The following GPHN variants were observed in gnomAD, a reference collection of about 807,000 sequenced individuals.
GPHN encodes the protein gephyrin.
A neutral mutation model predicts 95.5 loss-of-function variants in GPHN; 17 were observed. The ratio of observed to expected loss-of-function variants is 0.18; its 90% CI spans 0.12 to 0.27. The LOEUF is 0.27. Ranked by LOEUF, GPHN falls within the 10% of genes least tolerant of loss-of-function variation. The probability of loss-of-function intolerance (pLI) is 1.00; values close to 1 mark genes in which losing one functional copy is unlikely to be tolerated. For synonymous variants in GPHN, 320 were observed against 322.5 expected (o/e 0.99, Z 0.08); for missense variants, 660 against 978.1 (o/e 0.67, Z 4.34).
At chr14:66,740,135 G>A (rs189011574) in intron 2 of GPHN, among the ~76,000 whole-genome samples, 76 of 152,196 alleles carry the variant, frequency 5.0e-4, no homozygotes, top group Admixed American at 1.8e-3. Flanking sequence ...ATGCACACTG[G>A]TGTATTTATG....
chr14:66,955,723 G>C (rs2068455111), intron 8 of GPHN, among the ~76,000 whole-genome samples: 1 of 151,532 alleles, frequency 6.6e-6, no homozygotes, highest in African/African-American at 2.4e-5. Flanking sequence ...CCCCACGACA[G>C]GCCATGGTAT....
intron 1 of GPHN, among the ~76,000 whole-genome samples, chr14:66,520,299 G>T (rs2058424076): frequency 6.6e-6 from 1 of 152,064 alleles, no homozygotes; most frequent in Non-Finnish European, 1.5e-5. Context: ...TTCCAATAAG[G>T]ATGTATTAAT....
intron 1 of GPHN, among the ~76,000 whole-genome samples, chr14:66,590,973 T>G (rs568827569): frequency 1.0e-3 from 155 of 152,298 alleles, no homozygotes; most frequent in Non-Finnish European, 1.8e-3. Flanking sequence ...CAAGTCGGCT[T>G]TATCTCTGGG....
chr14:67,464,986 T>C, the GPHN span, among the ~76,000 whole-genome samples: 4 of 152,218 alleles, frequency 2.6e-5, no homozygotes, highest in African/African-American at 4.8e-5. Flanking sequence ...GTAATTCCAC[T>C]GAAGTCATCC....
chr14:66,519,719 CCTAA>C (rs2139794239), intron 1 of GPHN, among the ~76,000 whole-genome samples: 1 of 152,188 alleles, frequency 6.6e-6, no homozygotes, highest in South Asian at 2.1e-4. Flanking sequence ...TCCTTCACTC[CCTAA>C]CTCTGTAGCA....
At chr14:66,909,162 C>G (rs2065541700) in intron 5 of GPHN, among the ~76,000 whole-genome samples, 1 of 152,094 alleles carries the variant, frequency 6.6e-6, no homozygotes, top group Non-Finnish European at 1.5e-5. Context: ...CCTATACTAT[C>G]TTCTGCATTT....
At chr14:66,746,722 G>A (rs1022344806) in intron 2 of GPHN, among the ~76,000 whole-genome samples, 3 of 151,876 alleles carry the variant, frequency 2.0e-5, no homozygotes, top group African/African-American at 4.8e-5. Context: ...GCAGTTTTAC[G>A]ACATCCTCAC....
intron 8 of GPHN, among the ~76,000 whole-genome samples, chr14:66,938,109 CA>C (rs989595311): frequency 1.3e-5 from 2 of 152,088 alleles, no homozygotes; most frequent in African/African-American, 4.8e-5. Flanking sequence ...CCATCATTCT[CA>C]AATATATCTC....
chr14:66,537,657 T>G (rs2059191534), intron 1 of GPHN, among the ~76,000 whole-genome samples: 1 of 152,228 alleles, frequency 6.6e-6, no homozygotes. Context: ...AATTCATTTT[T>G]ACAGTTCTTT....
chr14:67,421,010 TC>T, the GPHN span, among the ~76,000 whole-genome samples: 1 of 152,160 alleles, frequency 6.6e-6, no homozygotes, highest in Non-Finnish European at 1.5e-5. Flanking sequence ...AGGGACCACA[TC>T]TTGAGTGGCA....
chr14:66,824,648 T>C, intron 4 of GPHN, 82 bp downstream of exon 4: 2 of 687,250 alleles, frequency 2.9e-6, no homozygotes, highest in Non-Finnish European at 5.1e-6. Context: ...TTTATATTAT[T>C]TTTATAACTT....
intron 6 of GPHN, 106 bp downstream of exon 6, chr14:66,916,175 T>C (rs2065887504): frequency 5.4e-6 from 4 of 734,762 alleles, no homozygotes; most frequent in Non-Finnish European, 1.0e-5. Flanking sequence ...CCCTCACATC[T>C]GATACCAATT....
chr14:67,103,069 C>G (rs967014759), intron 13 of GPHN, among the ~76,000 whole-genome samples: 13 of 151,894 alleles, frequency 8.6e-5, no homozygotes, highest in African/African-American at 3.1e-4. Context: ...GGAGGTTGTT[C>G]TTGGTTTTGG....
the GPHN span, among the ~76,000 whole-genome samples, chr14:67,709,404 T>A: frequency 1.3e-5 from 2 of 152,232 alleles, no homozygotes; most frequent in Non-Finnish European, 2.9e-5. Flanking sequence ...ATCTTGACCA[T>A]AAGATATAAC....
At chr14:67,685,361 A>G in the GPHN span, among the ~76,000 whole-genome samples, 4 of 152,228 alleles carry the variant, frequency 2.6e-5, no homozygotes, top group African/African-American at 9.6e-5. Context: ...TTATACTTCC[A>G]TCTCACAGAT....
the GPHN span, among the ~76,000 whole-genome samples, chr14:67,281,691 T>A: frequency 6.6e-6 from 1 of 152,212 alleles, no homozygotes. Flanking sequence ...AATATTCATG[T>A]AATCACAGTA....
At chr14:66,598,905 T>C (rs188369420) in intron 1 of GPHN, among the ~76,000 whole-genome samples, 115 of 151,964 alleles carry the variant, frequency 7.6e-4, no homozygotes, top group Non-Finnish European at 1.2e-3. Flanking sequence ...TGATGCAGTC[T>C]TTAGCTAAAC....
At chr14:66,704,914 C>G (rs1279906660) in intron 2 of GPHN, among the ~76,000 whole-genome samples, 1 of 127,240 alleles carries the variant, frequency 7.9e-6, no homozygotes, top group East Asian at 2.5e-4. Flanking sequence ...AGATAGACTG[C>G]TAGCCAGACT....
chr14:66,974,217 T>G (rs564903606), intron 9 of GPHN, among the ~76,000 whole-genome samples: 1 of 152,198 alleles, frequency 6.6e-6, no homozygotes, highest in Non-Finnish European at 1.5e-5. Context: ...TGGGAAAGAA[T>G]TTAATATTTT....
Sources: allele counts gnomAD v4.1 joint callset (sites outside exome capture counted in the v4.1 genomes callset), GRCh38; gene constraint gnomAD v4.1.1; transcripts MANE v1.5; gene names NCBI Gene and HGNC (gene_info 2026-07-23, HGNC 2026-07-21).